LINGO2: variants seen among roughly 807,000 people sequenced by gnomAD.
LINGO2 encodes leucine-rich repeat and immunoglobulin-like domain-containing nogo receptor-interacting protein 2.
In LINGO2, 14 loss-of-function variants were observed where a neutral mutation model predicts 30.6. The observed-to-expected ratio is 0.46, with a 90% CI of 0.30 to 0.72. LINGO2 has a LOEUF of 0.72. Ranked by LOEUF, LINGO2 falls within the 30% of genes least tolerant of loss-of-function variation. LINGO2 has a pLI of 0.07. For missense variants in LINGO2, 729 were observed against 751.7 expected (o/e 0.97, Z 0.35); for synonymous variants, 317 against 288.5 (o/e 1.10, Z -1.00).
chr9:27,948,761 G>A (rs576019006), exon 6 of LINGO2: 1 of 1,413,316 alleles, frequency 7.1e-7, no homozygotes, highest in African/African-American at 1.4e-5. Flanking sequence ...AGCTGCACAT[G>A]GCTGCCTCTT....
chr9:28,770,073 C>T, the LINGO2 span, among the ~76,000 whole-genome samples: 1 of 152,030 alleles, frequency 6.6e-6, no homozygotes, highest in Admixed American at 6.6e-5. Flanking sequence ...TCCCCTTTGA[C>T]TTCATTTTTT....
chr9:28,635,172 C>T (rs1390771605), intron 1 of LINGO2, among the ~76,000 whole-genome samples: 1 of 152,174 alleles, frequency 6.6e-6, no homozygotes, highest in Non-Finnish European at 1.5e-5. Flanking sequence ...ATAAATTTTG[C>T]TGTTCTTATT....
At chr9:28,794,365 T>C in the LINGO2 span, among the ~76,000 whole-genome samples, 7 of 152,332 alleles carry the variant, frequency 4.6e-5, no homozygotes, top group East Asian at 1.4e-3. Flanking sequence ...TGGGAAATTC[T>C]GAACTAGATT....
intron 2 of LINGO2, among the ~76,000 whole-genome samples, chr9:28,439,149 C>T (rs1005802443): frequency 6.8e-6 from 1 of 147,002 alleles, no homozygotes; most frequent in Non-Finnish European, 1.5e-5. Context: ...TAATGAAATA[C>T]AGATAATATA....
chr9:28,985,750 A>G, the LINGO2 span, among the ~76,000 whole-genome samples: 1 of 152,002 alleles, frequency 6.6e-6, no homozygotes, highest in Non-Finnish European at 1.5e-5. Flanking sequence ...AGTTCTTTAT[A>G]TATTTTGAAT....
At chr9:27,943,160 T>G (rs959153111), downstream of LINGO2, 8 of 152,348 alleles carry the variant, frequency 5.3e-5, no homozygotes, top group Admixed American at 3.3e-4. Context: ...TGTAAAGATA[T>G]TAAAGCAATT....
At chr9:28,515,354 C>A (rs181009227) in intron 1 of LINGO2, among the ~76,000 whole-genome samples, 206 of 152,064 alleles carry the variant, frequency 1.4e-3, no homozygotes, top group African/African-American at 4.3e-3. Context: ...CTACAGGTGC[C>A]CACCACCACG....
the LINGO2 span, among the ~76,000 whole-genome samples, chr9:29,102,738 A>C: frequency 6.6e-6 from 1 of 152,152 alleles, no homozygotes; most frequent in African/African-American, 2.4e-5. Context: ...TACATAGTAA[A>C]ATAAATCGTA....
At chr9:28,421,419 G>GA (rs56015030) in intron 2 of LINGO2, among the ~76,000 whole-genome samples, 27 of 128,070 alleles carry the variant, frequency 2.1e-4, no homozygotes, top group East Asian at 2.5e-4. Flanking sequence ...TTTTTTTGCA[G>GA]AAAAAAAAAA....
the LINGO2 span, among the ~76,000 whole-genome samples, chr9:29,003,179 T>C: frequency 6.6e-6 from 1 of 152,062 alleles, no homozygotes; most frequent in African/African-American, 2.4e-5. Context: ...ACATCCTGAT[T>C]TCAGACATCT....
In LINGO2 at chr9:28,589,037, C is replaced by T. The variant is rs148128810; in HGVS notation, c.-365+81163G>A. 3.0e-3 allele frequency among the ~76,000 whole-genome samples: 454 copies of T among 152,120 alleles called. 2 individuals carry two copies. Among genetic ancestry groups the T allele is most frequent in the African/African-American group, 0.01 (431 of 41,524 alleles). On this transcript the variant is annotated intron_variant, in intron 1 of 5. Transcript: ENST00000379992. The stretch of plus-strand genomic sequence containing the variant: ...ATGTAATCCAGCATATAAACAGAAC[C>T]GAAGACAAAAACCACATGATTATCT...
rs557089247 is a variant in LINGO2, at chr9:28,632,630, AT to A, written c.-365+37569del. Among the ~76,000 whole-genome samples, 427 of 142,722 alleles carry A rather than the reference AT, an allele frequency of 3.0e-3. 4 individuals carry two copies. The highest frequency in any genetic ancestry group is 9.9e-3 in the African/African-American group (387 of 39,204). 93.6% of individuals were successfully genotyped at this position (142,722 alleles called of 152,430 possible). A position where few individuals can be genotyped will look rare whatever the true frequency, so the allele number is the denominator to read the frequency against. ...AAATATATTATCTATATATTTATAT[AT>A]TTTTATATATATTTACATAGATATT... On this transcript the variant is annotated intron_variant, in intron 1 of 5. Coordinates refer to ENST00000379992, the Ensembl canonical transcript of LINGO2.
chr9:28,347,410 G>A (rs1819630031), intron 3 of LINGO2, among the ~76,000 whole-genome samples: 1 of 138,504 alleles, frequency 7.2e-6, no homozygotes, highest in Non-Finnish European at 1.5e-5. Context: ...CATACACATT[G>A]AAGTTGACCT....
chr9:29,174,747 G>C, the LINGO2 span, among the ~76,000 whole-genome samples: 4 of 152,204 alleles, frequency 2.6e-5, no homozygotes, highest in Admixed American at 2.6e-4. Flanking sequence ...ACAGGATCAA[G>C]AGACACCAGT....
chr9:28,775,751 T>C, the LINGO2 span, among the ~76,000 whole-genome samples: 2 of 152,240 alleles, frequency 1.3e-5, no homozygotes, highest in Non-Finnish European at 2.9e-5. Flanking sequence ...TCTTAGTTTA[T>C]TCTCCATGCA....
intron 1 of LINGO2, among the ~76,000 whole-genome samples, chr9:28,569,562 G>A (rs899663341): frequency 6.7e-6 from 1 of 148,704 alleles, no homozygotes; most frequent in Admixed American, 6.8e-5. Flanking sequence ...TATCACTTAT[G>A]CATGAAACTT....
chr9:28,248,824 T>C (rs1369984081), intron 4 of LINGO2, among the ~76,000 whole-genome samples: 7 of 152,206 alleles, frequency 4.6e-5, no homozygotes, highest in Admixed American at 4.6e-4. Context: ...TATAGAAAAG[T>C]TAACTTGCTA....
intron 1 of LINGO2, among the ~76,000 whole-genome samples, chr9:28,565,630 C>A (rs1019581081): frequency 2.6e-5 from 4 of 151,378 alleles, no homozygotes; most frequent in African/African-American, 9.7e-5. Context: ...CTGCTCACTG[C>A]AAGCTCTGCC....
chr9:28,497,796 A>G (rs1485711316), intron 1 of LINGO2, among the ~76,000 whole-genome samples: 1 of 151,932 alleles, frequency 6.6e-6, no homozygotes, highest in Non-Finnish European at 1.5e-5. Context: ...GGTTTTGTCT[A>G]CCATCATCTT....
Sources: gnomAD v4.1 joint callset for allele counts (sites outside exome capture counted in the v4.1 genomes callset) on GRCh38, gnomAD v4.1.1 for gene constraint, MANE v1.5 for transcripts, NCBI Gene and HGNC (gene_info 2026-07-23, HGNC 2026-07-21) for gene names.